The following ADAMTSL1 variants were observed in gnomAD, a reference collection of about 807,000 sequenced individuals.
The protein encoded by ADAMTSL1 is ADAMTS-like protein 1.
In ADAMTSL1, 126 loss-of-function variants were observed where a neutral mutation model predicts 201.8. That is an observed-to-expected ratio of 0.62 (90% confidence interval 0.54 to 0.72). The LOEUF (loss-of-function observed/expected upper bound fraction) is 0.72, where lower values mean the gene tolerates loss of function less well. Among genes scored for constraint, ADAMTSL1 ranks in the 30% least tolerant of loss-of-function variants. The pLI, the probability that ADAMTSL1 is intolerant of heterozygous loss-of-function variation, is 0.00. For synonymous variants in ADAMTSL1, 1,121 were observed against 903.4 expected, an observed-to-expected ratio of 1.24 and a Z score of -4.32; for missense variants, 2,679 against 2,277.8, an observed-to-expected ratio of 1.18 and a Z score of -3.59.
rs187016106 is a variant in ADAMTSL1 at position 18,213,261 on chromosome 9, C to T, written c.207+49280C>T. ...AAAGCCAGTGAGATTCTTGTTCTTTCCCCTTTTGTATTCAGGGAAAACATA... is the reference window on the plus strand; with the variant it reads ...AAAGCCAGTGAGATTCTTGTTCTTTTCCCTTTTGTATTCAGGGAAAACATA... On this transcript the variant is annotated intron_variant, in intron 2 of 29. Transcript: ENST00000680146. 9.9e-5 allele frequency among the ~76,000 whole-genome samples: 15 copies of T among 152,266 alleles called. No homozygotes were observed. In the East Asian group the frequency reaches 2.9e-3, roughly 29 times the overall value.
chr9:18,530,566 A>C (rs1819381515), intron 2 of ADAMTSL1, among the ~76,000 whole-genome samples: 1 of 152,106 alleles, frequency 6.6e-6, no homozygotes, highest in Non-Finnish European at 1.5e-5. Context: ...ACTGTTTGAA[A>C]ATCTGCAGGC....
At chr9:18,891,100 T>A (rs938930408) in intron 25 of ADAMTSL1, among the ~76,000 whole-genome samples, 1 of 152,178 alleles carries the variant, frequency 6.6e-6, no homozygotes, top group Admixed American at 6.5e-5. Flanking sequence ...ACTAAGTAAG[T>A]CACAGTCCAG....
Position 18,074,430 on chromosome 9 carries a change from C to T in ADAMTSL1, c.88-89432C>T, listed in dbSNP as rs1044850945. Among the ~76,000 whole-genome samples the T allele has an allele frequency of 4.0e-5, 6 of 151,766 alleles. No individual in the cohort carries two copies. The East Asian group carries it at 1.2e-3, about 29-fold the overall frequency. ...GAGGAAAGGACTCATTCCACTTTGG[C>T]CCTTTTTTGTTTGGCAGATTTATTC... On this transcript the variant is annotated intron_variant, in intron 1 of 29. Transcript: ENST00000680146.
intron 20 of ADAMTSL1, 48 bp downstream of exon 20, chr9:18,795,572 T>A (rs756862268): frequency 5.2e-6 from 8 of 1,550,526 alleles, no homozygotes; most frequent in Non-Finnish European, 7.0e-6. Context: ...CTTTATTGAA[T>A]GAGTGCCTAT....
upstream of ADAMTSL1, among the ~76,000 whole-genome samples, chr9:18,470,916 G>A (rs928232555): frequency 3.9e-5 from 6 of 152,226 alleles, no homozygotes; most frequent in African/African-American, 7.2e-5. Flanking sequence ...CAGCTGCCAC[G>A]GCTTCTGCTA....
intron 20 of ADAMTSL1, among the ~76,000 whole-genome samples, chr9:18,804,838 C>T (rs116846683): frequency 0.015 from 2,278 of 152,204 alleles, 35 homozygotes; most frequent in South Asian, 0.078. Context: ...TTTCTTAAGA[C>T]GTTTCTTTGA....
chr9:18,761,303 G>A (rs1044169367), intron 16 of ADAMTSL1, among the ~76,000 whole-genome samples: 1 of 152,192 alleles, frequency 6.6e-6, no homozygotes, highest in Non-Finnish European at 1.5e-5. Flanking sequence ...ATTTATTAAT[G>A]TGCTTATCAT....
At chr9:18,030,420 A>T (rs1820900859) in intron 1 of ADAMTSL1, among the ~76,000 whole-genome samples, 2 of 152,076 alleles carry the variant, frequency 1.3e-5, no homozygotes, top group South Asian at 4.1e-4. Flanking sequence ...GTGGGGAGGG[A>T]TAGCATTAGG....
chr9:18,052,408 A>T (rs1319043755), intron 1 of ADAMTSL1, among the ~76,000 whole-genome samples: 2 of 152,212 alleles, frequency 1.3e-5, no homozygotes, highest in African/African-American at 4.8e-5. Flanking sequence ...GCCTTAAAGA[A>T]TGAGTAAGAG....
chr9:18,202,899 G>A (rs1280581357), intron 2 of ADAMTSL1, among the ~76,000 whole-genome samples: 1 of 152,060 alleles, frequency 6.6e-6, no homozygotes, highest in Non-Finnish European at 1.5e-5. Flanking sequence ...TCTTTCCAGA[G>A]TGCTCTTTCC....
chr9:18,317,179 A>C (rs980687252), intron 2 of ADAMTSL1, among the ~76,000 whole-genome samples: 7 of 152,142 alleles, frequency 4.6e-5, no homozygotes, highest in Admixed American at 1.3e-4. Flanking sequence ...GAATCTAGGA[A>C]AAAAGTTAAA....
intron 1 of ADAMTSL1, among the ~76,000 whole-genome samples, chr9:17,942,562 A>G (rs1485678035): frequency 6.6e-6 from 1 of 152,138 alleles, no homozygotes; most frequent in African/African-American, 2.4e-5. Flanking sequence ...GCTCACCTAG[A>G]AGCCAGTCCT....
chr9:18,699,916 A>G (rs1214139775), intron 13 of ADAMTSL1, among the ~76,000 whole-genome samples: 2 of 152,182 alleles, frequency 1.3e-5, no homozygotes, highest in Admixed American at 6.5e-5. Context: ...ATGTCCTAGA[A>G]CCTTTGAAAA....
At chr9:18,515,457 C>A (rs775286720) in intron 2 of ADAMTSL1, among the ~76,000 whole-genome samples, 1 of 152,240 alleles carries the variant, frequency 6.6e-6, no homozygotes, top group South Asian at 2.1e-4. Context: ...ATCTCAGCCT[C>A]CCGAGTAGCT....
intron 1 of ADAMTSL1, among the ~76,000 whole-genome samples, chr9:17,952,715 C>T (rs1043540222): frequency 5.9e-5 from 9 of 152,044 alleles, no homozygotes; most frequent in African/African-American, 9.7e-5. Flanking sequence ...TTAATAGAGG[C>T]GGGGTTTCAC....
At chr9:18,470,837 T>A (rs1297320268), upstream of ADAMTSL1, among the ~76,000 whole-genome samples, 2 of 132,636 alleles carry the variant, frequency 1.5e-5, no homozygotes, top group African/African-American at 4.9e-5. Flanking sequence ...GCCCTGACAC[T>A]CTCTCTCTCT....
intron 2 of ADAMTSL1, among the ~76,000 whole-genome samples, chr9:18,272,445 C>T (rs1263752323): frequency 6.6e-6 from 1 of 152,124 alleles, no homozygotes; most frequent in Non-Finnish European, 1.5e-5. Context: ...ACACCTTATA[C>T]AAAAATTAAT....
rs1825850592 is a variant in ADAMTSL1, at chr9:18,129,111, G to A, written c.88-34751G>A. On this transcript the variant is annotated intron_variant, in intron 1 of 29. Transcript: ENST00000680146. ...AATCTGTTTTATATCTATGTCTAGT[G>A]AAGAATAAACTCTGGTCAGCCTAGC... Among the ~76,000 whole-genome samples, 3 of 152,248 alleles carry A rather than the reference G, an allele frequency of 2.0e-5. No homozygotes were observed. The South Asian group carries it at 6.2e-4, about 32-fold the overall frequency.
At chr9:17,993,531 A>T (rs1051747982) in intron 1 of ADAMTSL1, among the ~76,000 whole-genome samples, 1 of 152,062 alleles carries the variant, frequency 6.6e-6, no homozygotes, top group East Asian at 1.9e-4. Context: ...TTGCTCATAA[A>T]TTTTCGTTTT....
Sources: gnomAD v4.1 joint callset for allele counts (sites outside exome capture counted in the v4.1 genomes callset) on GRCh38, gnomAD v4.1.1 for gene constraint, MANE v1.5 for transcripts, NCBI Gene and HGNC (gene_info 2026-07-23, HGNC 2026-07-21) for gene names.